The following TYMP variants were observed in gnomAD, a reference collection of about 807,000 sequenced individuals.
The protein encoded by TYMP is gliostatin.
TYMP carries 46 observed loss-of-function variants against 42.3 expected under a neutral mutation model. The observed-to-expected ratio is 1.09, with a 90% CI of 0.86 to 1.39. The LOEUF (loss-of-function observed/expected upper bound fraction) is 1.39. Ranked by LOEUF, TYMP falls within the 40% of genes most tolerant of loss-of-function variation. TYMP has a pLI of 0.00. For missense variants in TYMP, 837 were observed against 677.6 expected (o/e 1.24, Z -2.61); for synonymous variants, 363 against 308.0 (o/e 1.18, Z -1.87).
At chr22:50,527,935 C>T (rs377336912) in intron 4 of TYMP, 54 of 584,942 alleles carry the variant, frequency 9.2e-5, no homozygotes, top group East Asian at 7.6e-4. Flanking sequence ...CCACCACACG[C>T]GGCTTTTTTT....
intron 5 of TYMP, 32 bp downstream of exon 5, chr22:50,527,556 A>G (rs1029441930): frequency 1.2e-6 from 2 of 1,613,752 alleles, no homozygotes. Context: ...GAGCCTGTGA[A>G]CATGCAGAAG....
chr22:50,528,679 C>T, intron 3 of TYMP, 69 bp from the exon 4 acceptor site: 3 of 1,263,102 alleles, frequency 2.4e-6, no homozygotes, highest in East Asian at 4.7e-5. Context: ...CCTTCACCTT[C>T]CCTGGCTAGG....
intron 5 of TYMP, 49 bp from the exon 6 acceptor site, chr22:50,527,332 C>A (rs1187678100): frequency 1.3e-6 from 2 of 1,512,794 alleles, no homozygotes; most frequent in Non-Finnish European, 1.8e-6. Context: ...CCTGGAGCTT[C>A]TTGGGAGAGT....
chr22:50,529,960 C>T lies in TYMP; in HGVS notation c.-67G>A. The T allele has an allele frequency of 5.2e-6, 3 of 578,560 alleles. No individual in the cohort carries two copies. The highest frequency in any genetic ancestry group is 9.3e-6 in the Non-Finnish European group (3 of 324,114). 35.8% of individuals were successfully genotyped at this position (578,560 alleles called of 1,614,324 possible). On this transcript the variant is annotated 5_prime_UTR_variant, in exon 1 of 10. Transcript: ENST00000252029. ...CCGGATCCCAGCCCAGGTACCCGGCCTCGCCCGCGGGTCGGGACCGTAGGG... is the reference window on the plus strand; with the variant it reads ...CCGGATCCCAGCCCAGGTACCCGGCTTCGCCCGCGGGTCGGGACCGTAGGG...
At chr22:50,526,536 C>A in intron 7 of TYMP, 40 bp downstream of exon 7, 1 of 1,543,754 alleles carries the variant, frequency 6.5e-7, no homozygotes, top group Non-Finnish European at 8.7e-7. Flanking sequence ...CGGGAAGCAC[C>A]CCCCGCCGCC....
In TYMP at chr22:50,525,872, GCCGCTGAGCGCGGGGCCGTC is replaced by G. The variant is rs1064792890; in HGVS notation, c.1327_1346del (p.Asp443ProfsTer?). 1.9e-6 allele frequency: 3 copies of G among 1,591,498 alleles called. No homozygotes were observed. The highest frequency in any genetic ancestry group is 1.8e-4 in the Middle Eastern group (1 of 5,522). ...CCTCCTGCAGGGCGCGGCTCTGCGG[GCCGCTGAGCGCGGGGCCGTC>G]CCGGTGCACGCGGAGCCAGGGGGTC... On this transcript the variant is annotated frameshift_variant, in exon 10 of 10. Coordinates refer to ENST00000252029, the MANE Select transcript of TYMP (RefSeq NM_001953.5). LOFTEE classifies it low-confidence loss of function (END_TRUNC).
intron 3 of TYMP, 76 bp downstream of exon 3, chr22:50,529,060 T>G: frequency 1.3e-6 from 2 of 1,490,694 alleles, no homozygotes; most frequent in Non-Finnish European, 1.9e-6. Flanking sequence ...GGCTTGAGGT[T>G]GGGAGCTGCC....
rs760629248 is a variant in TYMP, at chr22:50,527,587, C to T, written c.646+1G>A. 4.3e-6 allele frequency: 7 copies of T among 1,613,974 alleles called. No homozygotes were observed. Among genetic ancestry groups the T allele is most frequent in the East Asian group, 2.2e-5 (1 of 44,876 alleles). On this transcript the variant is annotated splice_donor_variant, in intron 5 of 9. Transcript: ENST00000252029. LOFTEE classifies it high-confidence loss of function. The stretch of plus-strand genomic sequence containing the variant: ...AGAAGCAGGCCATGGAGTCAGGTCA[C>T]CTGTGATGAGTGGCAGGCTGTCCAC...
chr22:50,528,619 C>A lies in TYMP; in HGVS notation c.418-9G>T. ...CCGCTGATCATTGGCACCTGGTGGTCAGGGATGCTGAGTACCCTGCACAGT... is the reference window on the plus strand; with the variant it reads ...CCGCTGATCATTGGCACCTGGTGGTAAGGGATGCTGAGTACCCTGCACAGT... On this transcript the variant is annotated splice_polypyrimidine_tract_variant and intron_variant, in intron 3 of 9. Transcript: ENST00000252029. 1.2e-6 allele frequency: 2 copies of A among 1,611,090 alleles called. No homozygotes were observed. Among genetic ancestry groups the A allele is most frequent in the South Asian group, 2.2e-5 (2 of 90,752 alleles).
chr22:50,527,041 G>T, intron 6 of TYMP, 124 bp downstream of exon 6: 1 of 848,504 alleles, frequency 1.2e-6, no homozygotes, highest in Non-Finnish European at 2.0e-6. Context: ...ACTTCGGGCA[G>T]AAGAGGGTGG....
rs786205098 is a variant in TYMP, at chr22:50,526,102, ACCAGCG to A, written c.1193_1198del (p.Ala398_Leu399del). On this transcript the variant is annotated inframe_deletion, in exon 9 of 10. Coordinates refer to ENST00000252029, the MANE Select transcript of TYMP (RefSeq NM_001953.5). ...GCGCCCGGCCCCGAGCTCGTGCAGC[ACCAGCG>A]CCAGCGGCAGCGCCCGGACCAGCTC... The A allele has an allele frequency of 3.4e-5, 50 of 1,489,956 alleles. No individual in the cohort carries two copies. Among genetic ancestry groups the A allele is most frequent in the Non-Finnish European group, 4.2e-5 (47 of 1,128,064 alleles). 92.3% of individuals were successfully genotyped at this position (1,489,956 alleles called of 1,614,324 possible).
rs767337026 is a variant in TYMP at position 50,529,346 on chromosome 22, G to GT, written c.215-9dup. On this transcript the variant is annotated splice_polypyrimidine_tract_variant and intron_variant, in intron 2 of 9. Coordinates refer to ENST00000252029, the MANE Select transcript of TYMP (RefSeq NM_001953.5). The stretch of plus-strand genomic sequence containing the variant: ...TGGCCATCAGCATGGCCCCTGGTAT[G>GT]TGGGGGTACGCGTGAGGGTGGCAGC... 2 of 1,613,022 alleles carry GT rather than the reference G, an allele frequency of 1.2e-6. No individual in the cohort carries two copies. Among genetic ancestry groups the GT allele is most frequent in the Non-Finnish European group, 8.5e-7 (1 of 1,179,858 alleles).
Position 50,525,911 on chromosome 22 carries a change from G to A in TYMP, c.1308C>T (p.Pro436=), listed in dbSNP as rs777354807. 2.0e-5 allele frequency: 30 copies of A among 1,537,252 alleles called. No homozygotes were observed. The African/African-American group carries it at 3.5e-4, about 18-fold the overall frequency. ...DVGQRLRRGT[P]WLRVHRDGPA... ...GGCCGTCCCGGTGCACGCGGAGCCA[G>A]GGGGTCCCTGCAGAGCGAGGGGCTG... The change falls in exon 10 of 10, where the codon CCC becomes CCT. Residue 436 remains proline (P), a synonymous_variant. Transcript: ENST00000252029.
rs1381632818 is a variant in TYMP, at chr22:50,525,881, C to T, written c.1338G>A (p.Ala446=). The T allele has an allele frequency of 1.9e-6, 3 of 1,583,192 alleles. No homozygotes were observed. The highest frequency in any genetic ancestry group is 2.6e-6 in the Non-Finnish European group (3 of 1,165,910). The stretch of plus-strand genomic sequence containing the variant: ...GGGCGCGGCTCTGCGGGCCGCTGAG[C>T]GCGGGGCCGTCCCGGTGCACGCGGA... ...PWLRVHRDGP[A]LSGPQSRALQ... Residue 446 remains alanine (A), a synonymous_variant, in exon 10 of 10, where the codon GCG becomes GCA. Transcript: ENST00000252029.
In TYMP at chr22:50,527,299, A is replaced by AG. The variant is rs1569522366; in HGVS notation, c.647-17dup. On this transcript the variant is annotated splice_polypyrimidine_tract_variant and intron_variant, in intron 5 of 9. Coordinates refer to ENST00000252029, the MANE Select transcript of TYMP (RefSeq NM_001953.5). ...AGAATGGAGGCTTTGGGGGAGGCAG[A>AG]GGAGGTTGGAGACAATGGAGAACCT... is the stretch of plus-strand genomic sequence containing the variant. The AG allele has an allele frequency of 6.3e-7, 1 of 1,592,790 alleles. No individual in the cohort carries two copies. Among genetic ancestry groups the AG allele is most frequent in the Admixed American group, 1.7e-5 (1 of 59,996 alleles).
intron 2 of TYMP, 57 bp downstream of exon 2, chr22:50,529,439 A>G: frequency 6.2e-7 from 1 of 1,607,772 alleles, no homozygotes; most frequent in Admixed American, 1.7e-5. Context: ...AGGGACCCAA[A>G]GTCTCTCGGG....
rs373094137 is a variant in TYMP at position 50,525,806 on chromosome 22, C to A, written c.1413G>T (p.Ser471=). 1.2e-6 allele frequency: 2 copies of A among 1,610,670 alleles called. No individual in the cohort carries two copies. The highest frequency in any genetic ancestry group is 2.2e-5 in the South Asian group (2 of 91,026). The change falls in exon 10 of 10, where the codon TCG becomes TCT. Residue 471 remains serine, a synonymous_variant. Coordinates refer to ENST00000252029, the MANE Select transcript of TYMP (RefSeq NM_001953.5). The part of the protein sequence containing the change: ...LSDRAPFAAP[S]PFAELVLPPQ... ...GCGGCAGAACGAGCTCTGCGAAGGG[C>A]GAGGGGGCGGCGAATGGCGCGCGGT...
At chr22:50,528,081 G>T in intron 4 of TYMP, 1 of 391,344 alleles carries the variant, frequency 2.6e-6, no homozygotes, top group South Asian at 2.2e-5. Flanking sequence ...GCATCGTCCC[G>T]GCTCACTGCA....
rs1476627496 is a variant in TYMP, at chr22:50,529,554, C to T, written c.156G>A (p.Ala52=). 5 of 1,613,160 alleles carry T rather than the reference C, an allele frequency of 3.1e-6. No individual in the cohort carries two copies. The Middle Eastern group carries it at 4.9e-4, about 160-fold the overall frequency. The part of the protein sequence containing the change: ...MKRDGGRLSE[A]DIRGFVAAVV... ...CAGCGGCCACGAAGCCCCTGATGTC[C>T]GCTTCGCTCAGGCGGCCTCCGTCTC... Residue 52 remains alanine (A), a synonymous_variant, in exon 2 of 10, where the codon GCG becomes GCA. Transcript: ENST00000252029.
Sources: gnomAD v4.1 joint callset for allele counts on GRCh38, gnomAD v4.1.1 for gene constraint, MANE v1.5 for transcripts, NCBI Gene and HGNC (gene_info 2026-07-23, HGNC 2026-07-21) for gene names.